EIF2S1: variants seen among roughly 807,000 people sequenced by gnomAD.
EIF2S1 encodes the protein eukaryotic translation initiation factor 2 subunit alpha.
EIF2S1 carries 5 observed loss-of-function variants against 33.5 expected under a neutral mutation model. The observed-to-expected ratio is 0.15, with a 90% CI of 0.08 to 0.31. EIF2S1 has a LOEUF of 0.31. EIF2S1 is among the 10% of genes least tolerant of loss of function. EIF2S1 has a pLI of 1.00. For synonymous variants in EIF2S1, 99 were observed against 127.5 expected, an observed-to-expected ratio of 0.78 and a Z score of 1.51; for missense variants, 191 against 384.6, an observed-to-expected ratio of 0.50 and a Z score of 4.21.
At chr14:67,374,368 T>C in intron 2 of EIF2S1, 100 bp from the exon 3 acceptor site, 1 of 586,652 alleles carries the variant, frequency 1.7e-6, no homozygotes, top group Non-Finnish European at 2.9e-6. Flanking sequence ...GAAATAATTA[T>C]AAGTATGCCA....
chr14:67,367,308 G>A (rs1013515643), intron 2 of EIF2S1, among the ~76,000 whole-genome samples: 2 of 152,190 alleles, frequency 1.3e-5, no homozygotes, highest in African/African-American at 2.4e-5. Flanking sequence ...TTGGCTCACT[G>A]CAACCTCCGA....
chr14:67,373,770 G>A (rs569138934), intron 2 of EIF2S1, among the ~76,000 whole-genome samples: 1 of 152,080 alleles, frequency 6.6e-6, no homozygotes, highest in East Asian at 1.9e-4. Flanking sequence ...GGTTCAAGAA[G>A]ATGTTTAAGC....
In EIF2S1 at chr14:67,381,681, G is replaced by A; in HGVS notation, c.669G>A (p.Met223Ile). Reference protein sequence around the residue: ...RAGLNCSTENMPIKINLIAPP... With the variant: ...RAGLNCSTENIPIKINLIAPP... ...GTTTGAATTGTTCTACAGAAAACAT[G>A]CCCATTAAGGTGAGTCATGAGTTGT... The change falls in exon 6 of 8, where the codon ATG (methionine) becomes ATA (isoleucine). Residue 223 changes from methionine (M) to isoleucine (I), a missense_variant. Physicochemically the swap from Met to Ile is conservative, Grantham distance 10 (BLOSUM62 1). Coordinates refer to ENST00000256383, the MANE Select transcript of EIF2S1 (RefSeq NM_004094.5). The A allele has an allele frequency of 6.2e-7, 1 of 1,611,676 alleles. No homozygotes were observed. Among genetic ancestry groups the A allele is most frequent in the East Asian group, 2.2e-5 (1 of 44,820 alleles).
At chr14:67,376,415 T>C (rs2085858133) in intron 3 of EIF2S1, 24 bp from the exon 4 acceptor site, 1 of 1,567,072 alleles carries the variant, frequency 6.4e-7, no homozygotes, top group Middle Eastern at 1.8e-4. Context: ...CTTTGAATTG[T>C]TGAGCTTTTC....
chr14:67,371,286 G>A (rs1233564997), intron 2 of EIF2S1, among the ~76,000 whole-genome samples: 2 of 151,952 alleles, frequency 1.3e-5, no homozygotes, highest in Admixed American at 1.3e-4. Context: ...GTGGTGGTGT[G>A]TACCTGTAAA....
chr14:67,368,780 C>T (rs777014885), intron 2 of EIF2S1, among the ~76,000 whole-genome samples: 4 of 152,022 alleles, frequency 2.6e-5, no homozygotes, highest in Non-Finnish European at 4.4e-5. Flanking sequence ...CACAGCTGTT[C>T]GGGAGGCTGA....
At chr14:67,376,765 A>G (rs551841477) in intron 4 of EIF2S1, among the ~76,000 whole-genome samples, 175 bp downstream of exon 4, 103 of 152,342 alleles carry the variant, frequency 6.8e-4, no homozygotes, top group African/African-American at 2.4e-3. Flanking sequence ...TATGTATCAT[A>G]GTTATGTAGA....
chr14:67,370,174 G>A (rs1253957907), intron 2 of EIF2S1, among the ~76,000 whole-genome samples: 1 of 152,234 alleles, frequency 6.6e-6, no homozygotes, highest in Non-Finnish European at 1.5e-5. Context: ...TCTGCCCTGG[G>A]CGGGCCAGGT....
chr14:67,370,757 G>C (rs983283831), intron 2 of EIF2S1, among the ~76,000 whole-genome samples: 1 of 152,180 alleles, frequency 6.6e-6, no homozygotes, highest in Admixed American at 6.5e-5. Flanking sequence ...CCAGCACAGT[G>C]GTTCATGTCT....
chr14:67,369,457 A>G (rs2085804337), intron 2 of EIF2S1, among the ~76,000 whole-genome samples: 1 of 152,254 alleles, frequency 6.6e-6, no homozygotes, highest in Non-Finnish European at 1.5e-5. Flanking sequence ...AAACAATTAG[A>G]TCAATGAAGA....
chr14:67,370,621 T>A (rs2085814478), intron 2 of EIF2S1, among the ~76,000 whole-genome samples: 1 of 152,206 alleles, frequency 6.6e-6, no homozygotes, highest in African/African-American at 2.4e-5. Context: ...GTGAAATTAG[T>A]GAATTCCTTG....
Position 67,360,378 on chromosome 14 carries a change from G to C in EIF2S1, c.-80G>C. 2.5e-6 allele frequency: 1 copy of C among 396,666 alleles called. No individual in the cohort carries two copies. Among genetic ancestry groups the C allele is most frequent in the Non-Finnish European group, 4.4e-6 (1 of 225,246 alleles). 24.6% of individuals were successfully genotyped at this position (396,666 alleles called of 1,614,324 possible). On this transcript the variant is annotated 5_prime_UTR_variant, in exon 1 of 8. Transcript: ENST00000256383. ...ACGCTGAGGAGGATCGGCGGCCGGT[G>C]AGGGGGAAGCAAGTCTGGTCTCTGT...
chr14:67,362,345 ATTAGTGC>A (rs768789741), intron 1 of EIF2S1, among the ~76,000 whole-genome samples: 25 of 152,216 alleles, frequency 1.6e-4, no homozygotes, highest in Admixed American at 1.3e-4. Flanking sequence ...TTGTTGTATC[ATTAGTGC>A]TTAGTACATA....
rs186206810 is a variant in EIF2S1, at chr14:67,383,535, A to C, written c.*95A>C. On this transcript the variant is annotated 3_prime_UTR_variant, in exon 8 of 8. Transcript: ENST00000256383. The stretch of plus-strand genomic sequence containing the variant: ...AAAGTTTTCCAGTATTGAAAACTTC[A>C]AAGCTGAATATTTTTTATTTCTAAG... 2 of 1,511,996 alleles carry C rather than the reference A, an allele frequency of 1.3e-6. No individual in the cohort carries two copies. Among genetic ancestry groups the C allele is most frequent in the African/African-American group, 2.8e-5 (2 of 72,230 alleles). The allele number at this position is 1,511,996 out of a possible 1,614,324, so 93.7% of individuals were successfully genotyped here.
chr14:67,365,072 T>A, intron 2 of EIF2S1, 64 bp downstream of exon 2: 1 of 1,469,190 alleles, frequency 6.8e-7, no homozygotes, highest in African/African-American at 1.4e-5. Context: ...AAAAATACAT[T>A]TTTTGTAAAT....
intron 4 of EIF2S1, among the ~76,000 whole-genome samples, chr14:67,379,654 C>CTTTTTTTTTTTTTTTTTT (rs541791101): frequency 7.5e-5 from 9 of 119,956 alleles, no homozygotes; most frequent in East Asian, 3.0e-4. Flanking sequence ...TTTTCTTTTT[C>CTTTTTTTTTTTTTTTTTT]TTTTTTTTTT....
rs2085906874 is a variant in EIF2S1 at position 67,384,364 on chromosome 14, G to A, written c.*924G>A. The A allele has an allele frequency of 7.2e-6, 1 of 138,982 alleles. No individual in the cohort carries two copies. Among genetic ancestry groups the A allele is most frequent in the South Asian group, 2.4e-4 (1 of 4,212 alleles). The allele number at this position is 138,982 out of a possible 1,614,324, so 8.6% of individuals were successfully genotyped here. On this transcript the variant is annotated 3_prime_UTR_variant, in exon 8 of 8. Coordinates refer to ENST00000256383, the MANE Select transcript of EIF2S1 (RefSeq NM_004094.5). ...ACAGGGATCTGTTTGAACACTTACT[G>A]TTGTTTTTTTTTTTTTACATGTTTC... is the stretch of plus-strand genomic sequence containing the variant.
chr14:67,361,444 T>A (rs975854921), intron 1 of EIF2S1, among the ~76,000 whole-genome samples: 1 of 152,188 alleles, frequency 6.6e-6, no homozygotes, highest in African/African-American at 2.4e-5. Flanking sequence ...ACTATAATGA[T>A]GAAATAAAAG....
At chr14:67,379,654 C>CTTTTTTTTTTTTTTTTTTTTT (rs541791101) in intron 4 of EIF2S1, among the ~76,000 whole-genome samples, 6 of 119,956 alleles carry the variant, frequency 5.0e-5, no homozygotes, top group Non-Finnish European at 8.1e-5. Flanking sequence ...TTTTCTTTTT[C>CTTTTTTTTTTTTTTTTTTTTT]TTTTTTTTTT....
Sources: allele counts gnomAD v4.1 joint callset (sites outside exome capture counted in the v4.1 genomes callset), GRCh38; gene constraint gnomAD v4.1.1; transcripts MANE v1.5; gene names NCBI Gene and HGNC (gene_info 2026-07-23, HGNC 2026-07-21).